XKR9: variants seen among roughly 807,000 people sequenced by gnomAD.
XKR9 encodes XK related 9.
Under a neutral mutation model 32.0 loss-of-function variants are expected in XKR9, and 32 were observed. The ratio of observed to expected loss-of-function variants is 1.00; its 90% confidence interval spans 0.76 to 1.34. XKR9 has a LOEUF of 1.34. Among genes scored for constraint, XKR9 ranks in the 40% most tolerant of loss-of-function variants. The pLI is 0.00. For synonymous variants in XKR9, 168 were observed against 143.4 expected, an observed-to-expected ratio of 1.17 and a Z score of -1.22; for missense variants, 546 against 429.7, an observed-to-expected ratio of 1.27 and a Z score of -2.39.
intron 3 of XKR9, among the ~76,000 whole-genome samples, chr8:70,685,276 G>A (rs56115633): frequency 0.42 from 59,108 of 139,340 alleles, 13,513 homozygotes; most frequent in Non-Finnish European, 0.53. Flanking sequence ...ATTCTCACTC[G>A]TAGGTGGGAA....
intron 4 of XKR9, 33 bp from the exon 5 acceptor site, chr8:70,733,763 T>C: frequency 1.4e-6 from 2 of 1,463,654 alleles, no homozygotes; most frequent in Admixed American, 5.1e-5. Context: ...ATTATTCCTA[T>C]AACAATATAT....
the XKR9 span, among the ~76,000 whole-genome samples, chr8:70,895,679 G>C: frequency 6.6e-6 from 1 of 151,914 alleles, no homozygotes; most frequent in Non-Finnish European, 1.5e-5. Context: ...ACATTATCAG[G>C]TTGAGGAAGA....
At position 70,734,464 on chromosome 8, in the gene XKR9, C is replaced by T. The variant is rs554754600; in HGVS notation, c.*40C>T. On this transcript the variant is annotated 3_prime_UTR_variant, in exon 5 of 5. Coordinates refer to ENST00000408926, the MANE Select transcript of XKR9 (RefSeq NM_001011720.2). ...ATATATATTTTCTTATATTTTGTTT[C>T]ATTGGTTAGTAAAGAAAATGTGTGT... The T allele has an allele frequency of 6.9e-6, 10 of 1,453,616 alleles. No homozygotes were observed. In the South Asian group the frequency reaches 1.6e-4, roughly 23 times the overall value. 90.0% of individuals were successfully genotyped at this position (1,453,616 alleles called of 1,614,324 possible).
intron 2 of XKR9, among the ~76,000 whole-genome samples, chr8:70,773,010 A>T (rs1190214688): frequency 6.6e-6 from 1 of 152,224 alleles, no homozygotes; most frequent in African/African-American, 2.4e-5. Flanking sequence ...TATTAAATTA[A>T]AAGTTTATTT....
chr8:70,695,628 C>T lies in XKR9; in HGVS notation c.273-11305C>T, dbSNP rs562827162. ...GTCTTTGCTATTGTGAATAGTGCTG[C>T]AATAAACATACGTGTGCATGTGTCT... On this transcript the variant is annotated intron_variant, in intron 3 of 4. Coordinates refer to ENST00000408926, the MANE Select transcript of XKR9 (RefSeq NM_001011720.2). Among the ~76,000 whole-genome samples, 1,470 of 151,894 alleles carry T rather than the reference C, an allele frequency of 9.7e-3. 23 individuals are homozygous for T. Among genetic ancestry groups the T allele is most frequent in the African/African-American group, 0.034 (1,401 of 41,402 alleles).
chr8:70,814,008 G>A, the XKR9 span, among the ~76,000 whole-genome samples: 6 of 152,262 alleles, frequency 3.9e-5, no homozygotes, highest in South Asian at 6.2e-4. Flanking sequence ...GTTTATTGCG[G>A]CATTATTCAC....
the XKR9 span, among the ~76,000 whole-genome samples, chr8:70,882,979 T>C: frequency 6.6e-6 from 1 of 151,488 alleles, no homozygotes; most frequent in Admixed American, 6.6e-5. Flanking sequence ...TCTTCTATGT[T>C]GTTTTAAAAA....
At chr8:70,846,055 A>G in the XKR9 span, among the ~76,000 whole-genome samples, 1 of 152,186 alleles carries the variant, frequency 6.6e-6, no homozygotes, top group African/African-American at 2.4e-5. Context: ...GCAAGGGAAA[A>G]GCATCTAGTC....
chr8:70,700,723 C>T (rs577903677), intron 3 of XKR9, among the ~76,000 whole-genome samples: 197 of 152,310 alleles, frequency 1.3e-3, no homozygotes, highest in Middle Eastern at 0.01. Flanking sequence ...AGCTGTCAGA[C>T]AGGGACATTG....
chr8:70,965,412 T>A, the XKR9 span, among the ~76,000 whole-genome samples: 1 of 152,216 alleles, frequency 6.6e-6, no homozygotes, highest in Non-Finnish European at 1.5e-5. Context: ...AAGTTTTCTA[T>A]TTTTTGATGT....
At chr8:70,683,847 G>C (rs1819170172) in intron 3 of XKR9, among the ~76,000 whole-genome samples, 1 of 152,040 alleles carries the variant, frequency 6.6e-6, no homozygotes, top group Admixed American at 6.5e-5. Flanking sequence ...ATCTATTGAC[G>C]GGCTGTTGGT....
the XKR9 span, among the ~76,000 whole-genome samples, chr8:70,888,329 A>T: frequency 6.6e-6 from 1 of 150,992 alleles, no homozygotes; most frequent in East Asian, 1.9e-4. Context: ...GCGTTGTTTG[A>T]GTTCCTTTTA....
chr8:70,959,082 C>A, the XKR9 span, among the ~76,000 whole-genome samples: 2 of 152,200 alleles, frequency 1.3e-5, no homozygotes, highest in East Asian at 3.9e-4. Context: ...TATAACACAT[C>A]AGTCTTTTTA....
At chr8:70,980,253 C>T in the XKR9 span, among the ~76,000 whole-genome samples, 2 of 152,218 alleles carry the variant, frequency 1.3e-5, no homozygotes, top group African/African-American at 4.8e-5. Context: ...TTGGCTCACC[C>T]TCTGTGGGCT....
In XKR9 at chr8:70,680,834, T is replaced by C. The variant is rs1188239030; in HGVS notation, c.-225T>C. ...TGAAACAGAAGATTGATTAAAGCCTTGTAACATTGGACCTAGATTAGAGAT... is the reference window on the plus strand; with the variant it reads ...TGAAACAGAAGATTGATTAAAGCCTCGTAACATTGGACCTAGATTAGAGAT... On this transcript the variant is annotated 5_prime_UTR_variant, in exon 3 of 5. Coordinates refer to ENST00000408926, the MANE Select transcript of XKR9 (RefSeq NM_001011720.2). 3 of 361,208 alleles carry C rather than the reference T, an allele frequency of 8.3e-6. No individual in the cohort carries two copies. The highest frequency in any genetic ancestry group is 1.5e-5 in the Non-Finnish European group (3 of 199,006). The allele number at this position is 361,208 out of a possible 1,614,324, so 22.4% of individuals were successfully genotyped here.
At chr8:71,004,232 T>A in the XKR9 span, among the ~76,000 whole-genome samples, 46 of 152,244 alleles carry the variant, frequency 3.0e-4, no homozygotes, top group African/African-American at 1.1e-3. Flanking sequence ...TTGGACAATT[T>A]CTCTGTGACC....
At chr8:71,059,192 C>T in the XKR9 span, among the ~76,000 whole-genome samples, 4 of 152,212 alleles carry the variant, frequency 2.6e-5, no homozygotes, top group African/African-American at 7.2e-5. Flanking sequence ...AAAACAAAAC[C>T]TTGGAGTGTC....
intron 3 of XKR9, among the ~76,000 whole-genome samples, chr8:70,699,534 G>A (rs954307351): frequency 1.1e-4 from 16 of 152,284 alleles, no homozygotes; most frequent in East Asian, 3.9e-4. Context: ...GGCTTGTAGC[G>A]TTTCTGCTGA....
the XKR9 span, among the ~76,000 whole-genome samples, chr8:71,054,986 GTC>G: frequency 6.6e-6 from 1 of 152,050 alleles, no homozygotes; most frequent in African/African-American, 2.4e-5. Flanking sequence ...TTCCTTTCTA[GTC>G]TCTGAACAAT....
Sources: allele counts gnomAD v4.1 joint callset (sites outside exome capture counted in the v4.1 genomes callset), GRCh38; gene constraint gnomAD v4.1.1; transcripts MANE v1.5; gene names NCBI Gene and HGNC (gene_info 2026-07-23, HGNC 2026-07-21).